GFRA1: variants seen among roughly 807,000 people sequenced by gnomAD.
GFRA1 encodes the protein GDNF family receptor alpha 1, also known as GDNF family receptor alpha-1.
GFRA1 carries 16 observed loss-of-function variants against 51.6 expected under a neutral mutation model. The observed-to-expected ratio is 0.31, with a 90% CI of 0.21 to 0.47. GFRA1 has a LOEUF of 0.47. Ranked by LOEUF, GFRA1 falls within the 20% of genes least tolerant of loss-of-function variation. GFRA1 has a pLI of 1.00. For missense variants in GFRA1, 530 were observed against 594.3 expected (o/e 0.89, Z 1.13); for synonymous variants, 270 against 241.3 (o/e 1.12, Z -1.10).
At chr10:116,179,203 TG>T (rs1442458574) in intron 5 of GFRA1, among the ~76,000 whole-genome samples, 3 of 152,190 alleles carry the variant, frequency 2.0e-5, no homozygotes, top group Non-Finnish European at 4.4e-5. Context: ...ACCTGCTGTC[TG>T]GAAGGCACTG....
chr10:116,246,088 G>A (rs1168141394), intron 4 of GFRA1, among the ~76,000 whole-genome samples: 1 of 152,156 alleles, frequency 6.6e-6, no homozygotes, highest in Non-Finnish European at 1.5e-5. Context: ...TTTGGTTAAT[G>A]ATAATGCATC....
chr10:116,099,858 G>T (rs1162361198), intron 6 of GFRA1, among the ~76,000 whole-genome samples: 5 of 152,194 alleles, frequency 3.3e-5, no homozygotes, highest in Non-Finnish European at 7.3e-5. Flanking sequence ...TGAATGAAGT[G>T]TTCAGTACAT....
At chr10:116,255,507 CA>C (rs59731835) in intron 4 of GFRA1, 6,490 of 624,940 alleles carry the variant, frequency 0.01, no homozygotes, top group South Asian at 0.017. Context: ...AAAAAAAAAA[CA>C]AAAAAAAAAA....
In GFRA1 at chr10:116,269,588, T is replaced by C; in HGVS notation, c.335-2A>G. 8 of 1,570,504 alleles carry C rather than the reference T, an allele frequency of 5.1e-6. No individual in the cohort carries two copies. Among genetic ancestry groups the C allele is most frequent in the Non-Finnish European group, 7.0e-6 (8 of 1,140,270 alleles). The stretch of plus-strand genomic sequence containing the variant: ...GGGAATCCTCCAGCAGATCATTTCC[T>C]AAAAACAACAGAAAGATTGGGCTCA... On this transcript the variant is annotated splice_acceptor_variant, in intron 3 of 10. Transcript: ENST00000355422. LOFTEE classifies it high-confidence loss of function.
intron 6 of GFRA1, among the ~76,000 whole-genome samples, chr10:116,105,226 G>A (rs1445800493): frequency 2.0e-5 from 3 of 152,212 alleles, no homozygotes; most frequent in Admixed American, 6.5e-5. Context: ...AACTCTTTAA[G>A]AGTAAACCTT....
intron 5 of GFRA1, among the ~76,000 whole-genome samples, chr10:116,151,753 G>A (rs1589827764): frequency 6.6e-6 from 1 of 152,172 alleles, no homozygotes; most frequent in South Asian, 2.1e-4. Context: ...ATAGCCAATG[G>A]CCATTCATTT....
At chr10:116,252,338 C>T (rs1379893551) in intron 4 of GFRA1, among the ~76,000 whole-genome samples, 9 of 152,042 alleles carry the variant, frequency 5.9e-5, no homozygotes, top group African/African-American at 1.7e-4. Context: ...CTACCCTTCA[C>T]GTGGTAGGAA....
intron 9 of GFRA1, among the ~76,000 whole-genome samples, chr10:116,074,352 G>C (rs1479379197): frequency 6.6e-6 from 1 of 152,150 alleles, no homozygotes. Flanking sequence ...TCATTATCCT[G>C]GTGACAGCTA....
chr10:116,077,042 G>C (rs1278190390), intron 9 of GFRA1, among the ~76,000 whole-genome samples: 1 of 152,116 alleles, frequency 6.6e-6, no homozygotes, highest in African/African-American at 2.4e-5. Flanking sequence ...TGAGTTATTT[G>C]GAGGTATTCA....
intron 4 of GFRA1, among the ~76,000 whole-genome samples, chr10:116,267,495 A>G (rs1048161462): frequency 6.6e-6 from 1 of 152,060 alleles, no homozygotes; most frequent in Admixed American, 6.6e-5. Context: ...AAAAAAAAAA[A>G]CCATTGCTCA....
At chr10:116,106,020 A>G (rs559998053) in intron 6 of GFRA1, among the ~76,000 whole-genome samples, 2 of 152,278 alleles carry the variant, frequency 1.3e-5, no homozygotes, top group African/African-American at 4.8e-5. Flanking sequence ...GAGTCTTTAA[A>G]AGTGGAATAG....
intron 5 of GFRA1, among the ~76,000 whole-genome samples, chr10:116,173,722 A>G (rs1454895552): frequency 6.6e-6 from 1 of 152,172 alleles, no homozygotes; most frequent in Non-Finnish European, 1.5e-5. Context: ...CTCAAACTGG[A>G]GAAAGTTTTC....
chr10:116,240,148 A>G (rs2134626402), intron 4 of GFRA1, among the ~76,000 whole-genome samples: 1 of 152,206 alleles, frequency 6.6e-6, no homozygotes, highest in South Asian at 2.1e-4. Flanking sequence ...GTGACTGTTG[A>G]GCTTTAGGTA....
chr10:116,059,038 C>T lies in GFRA1; in HGVS notation c.*5360G>A, dbSNP rs1348774876. 6.6e-6 allele frequency: 1 copy of T among 152,224 alleles called. No homozygotes were observed. The highest frequency in any genetic ancestry group is 2.1e-4 in the South Asian group (1 of 4,834). The allele number at this position is 152,224 out of a possible 1,614,324, so 9.4% of individuals were successfully genotyped here. On this transcript the variant is annotated 3_prime_UTR_variant, in exon 11 of 11. Coordinates refer to ENST00000355422, the MANE Select transcript of GFRA1 (RefSeq NM_005264.8). ...AATGCCACGGGCAGATTTAAAGTCA[C>T]TTGGATCCCAGTGCTTTTTCAGACC... is the stretch of plus-strand genomic sequence containing the variant.
intron 9 of GFRA1, among the ~76,000 whole-genome samples, chr10:116,082,791 A>T (rs1396084650): frequency 6.6e-6 from 1 of 152,100 alleles, no homozygotes; most frequent in Non-Finnish European, 1.5e-5. Flanking sequence ...AACCCTTCTT[A>T]TTAATTAAGA....
chr10:116,183,551 G>A (rs1397844362), intron 5 of GFRA1, among the ~76,000 whole-genome samples: 1 of 152,206 alleles, frequency 6.6e-6, no homozygotes, highest in East Asian at 1.9e-4. Flanking sequence ...CAAGAGGGCA[G>A]AGCCTGATGG....
At position 116,096,699 on chromosome 10, in the gene GFRA1, T is replaced by G. The variant is rs1427925371; in HGVS notation, c.836A>C (p.Lys279Thr). 6.2e-7 allele frequency: 1 copy of G among 1,612,630 alleles called. No individual in the cohort carries two copies. The highest frequency in any genetic ancestry group is 2.2e-5 in the East Asian group (1 of 44,850). Reference sequence around the variant, plus strand: ...GAGGAGGCAGTCAGCGTAGTTTTCCTTTAGACAGCTGCTGACAGACCTTGA... The same window carrying G: ...GAGGAGGCAGTCAGCGTAGTTTTCCGTTAGACAGCTGCTGACAGACCTTGA... ...PESRSVSSCL[K>T]ENYADCLLAY... is the part of the protein sequence containing the mutation. The change falls in exon 7 of 11, where the codon AAG becomes ACG. Residue 279 changes from lysine (K) to threonine (T), a missense_variant. Transcript: ENST00000355422.
intron 5 of GFRA1, among the ~76,000 whole-genome samples, chr10:116,165,691 A>ACT (rs1187279059): frequency 2.0e-5 from 3 of 151,816 alleles, no homozygotes; most frequent in Non-Finnish European, 4.4e-5. Flanking sequence ...ACACACACTC[A>ACT]CAAGAGAGAA....
intron 5 of GFRA1, among the ~76,000 whole-genome samples, chr10:116,171,133 G>C (rs1960982501): frequency 1.3e-5 from 2 of 152,328 alleles, no homozygotes; most frequent in East Asian, 3.9e-4. Flanking sequence ...AAGAGTGTTA[G>C]AGGTCCCAGG....
Sources: gnomAD v4.1 joint callset for allele counts (sites outside exome capture counted in the v4.1 genomes callset) on GRCh38, gnomAD v4.1.1 for gene constraint, MANE v1.5 for transcripts, NCBI Gene and HGNC (gene_info 2026-07-23, HGNC 2026-07-21) for gene names.